PIBF1: variants seen among roughly 807,000 people sequenced by gnomAD.
PIBF1 encodes progesterone immunomodulatory binding factor 1, also known as progesterone-induced-blocking factor 1.
A neutral mutation model predicts 112.5 loss-of-function variants in PIBF1; 90 were observed. That is an observed-to-expected ratio of 0.80 (90% CI 0.67 to 0.95). PIBF1 has a LOEUF of 0.95. PIBF1 is among the 40% of genes least tolerant of loss of function. The pLI, the probability that PIBF1 is intolerant of heterozygous loss-of-function variation, is 0.00. For missense variants in PIBF1, 915 were observed against 852.3 expected, an observed-to-expected ratio of 1.07 and a Z score of -0.92; for synonymous variants, 301 against 288.6, an observed-to-expected ratio of 1.04 and a Z score of -0.44.
chr13:72,958,379 T>C (rs1430503701), intron 14 of PIBF1, among the ~76,000 whole-genome samples: 1 of 150,818 alleles, frequency 6.6e-6, no homozygotes, highest in African/African-American at 2.4e-5. Context: ...TATAGTTCTA[T>C]CTACTTCAAT....
intron 16 of PIBF1, among the ~76,000 whole-genome samples, chr13:72,994,336 C>T (rs139671876): frequency 1.1e-4 from 17 of 151,994 alleles, no homozygotes; most frequent in African/African-American, 4.1e-4. Flanking sequence ...TTGTTTCTAT[C>T]AATGAGAAAA....
chr13:72,935,697 C>A (rs1236170602), intron 14 of PIBF1, among the ~76,000 whole-genome samples: 2 of 152,220 alleles, frequency 1.3e-5, no homozygotes, highest in East Asian at 3.9e-4. Flanking sequence ...ACATCCTTGC[C>A]TTGATATGGT....
At chr13:72,842,855 A>G (rs544617234) in intron 9 of PIBF1, among the ~76,000 whole-genome samples, 2 of 152,182 alleles carry the variant, frequency 1.3e-5, no homozygotes, top group Admixed American at 1.3e-4. Context: ...CAAATATTTT[A>G]AATTAATTTT....
At chr13:72,783,336 A>C (rs2034400080) in intron 1 of PIBF1, 87 bp from the exon 2 acceptor site, 2 of 644,370 alleles carry the variant, frequency 3.1e-6, no homozygotes, top group Non-Finnish European at 5.3e-6. Flanking sequence ...TATTTATTTA[A>C]GGAATCCTTA....
intron 5 of PIBF1, among the ~76,000 whole-genome samples, chr13:72,807,794 A>G (rs996957670): frequency 1.3e-5 from 2 of 152,210 alleles, no homozygotes; most frequent in Admixed American, 6.5e-5. Context: ...AAAATTGATC[A>G]CCTGCCCCAG....
At chr13:72,873,879 C>G (rs1040354763) in intron 10 of PIBF1, among the ~76,000 whole-genome samples, 3 of 152,172 alleles carry the variant, frequency 2.0e-5, no homozygotes, top group Non-Finnish European at 1.5e-5. Context: ...ATCCAGAACT[C>G]TTGCAACTTA....
chr13:72,861,460 TG>T (rs1248841552), intron 10 of PIBF1, among the ~76,000 whole-genome samples: 9 of 152,170 alleles, frequency 5.9e-5, no homozygotes, highest in Non-Finnish European at 1.2e-4. Flanking sequence ...TAAGAAGGCA[TG>T]GGAAATCAGA....
intron 14 of PIBF1, among the ~76,000 whole-genome samples, chr13:72,951,184 C>T (rs532589598): frequency 6.6e-6 from 1 of 152,116 alleles, no homozygotes; most frequent in Admixed American, 6.6e-5. Flanking sequence ...CTTTAATACA[C>T]CTTATTTATC....
chr13:72,998,724 AT>A, intron 16 of PIBF1, 97 bp from the exon 17 acceptor site: 1 of 767,970 alleles, frequency 1.3e-6, no homozygotes, highest in Non-Finnish European at 2.1e-6. Context: ...GTGTAGTATA[AT>A]TGTTTCTTCT....
chr13:72,834,794 G>T (rs1389314156), intron 8 of PIBF1, among the ~76,000 whole-genome samples: 2 of 152,166 alleles, frequency 1.3e-5, no homozygotes, highest in Non-Finnish European at 2.9e-5. Context: ...TGTGGCTGTG[G>T]TTGTCATGCT....
At chr13:72,951,203 G>A (rs928222644) in intron 14 of PIBF1, among the ~76,000 whole-genome samples, 12 of 152,144 alleles carry the variant, frequency 7.9e-5, no homozygotes, top group African/African-American at 2.4e-4. Flanking sequence ...TCTTCGGGTC[G>A]TAGGGGAGAG....
intron 16 of PIBF1, among the ~76,000 whole-genome samples, chr13:72,996,523 C>T (rs1467021849): frequency 2.0e-5 from 3 of 152,188 alleles, no homozygotes; most frequent in Admixed American, 2.0e-4. Flanking sequence ...TGCAGTGGCT[C>T]ATGCCTATAA....
intron 14 of PIBF1, among the ~76,000 whole-genome samples, chr13:72,950,180 G>A (rs1251652713): frequency 1.3e-5 from 2 of 152,140 alleles, no homozygotes; most frequent in African/African-American, 4.8e-5. Flanking sequence ...GTTGGAATTA[G>A]TATCATTTAC....
At chr13:72,991,073 G>A (rs561950129) in intron 16 of PIBF1, among the ~76,000 whole-genome samples, 1 of 152,290 alleles carries the variant, frequency 6.6e-6, no homozygotes, top group South Asian at 2.1e-4. Flanking sequence ...TGCTATCTAT[G>A]TGTCTCCTTG....
chr13:73,012,282 G>A (rs1357961862), intron 17 of PIBF1, among the ~76,000 whole-genome samples: 1 of 152,198 alleles, frequency 6.6e-6, no homozygotes, highest in African/African-American at 2.4e-5. Flanking sequence ...AACCTGGGAG[G>A]CCAAGGTTGC....
intron 11 of PIBF1, among the ~76,000 whole-genome samples, chr13:72,901,370 G>T (rs753686753): frequency 4.6e-5 from 7 of 152,048 alleles, no homozygotes; most frequent in Non-Finnish European, 8.8e-5. Flanking sequence ...CCTTACTCCT[G>T]CAAGAATGGC....
chr13:72,979,508 G>A (rs1423308611), intron 16 of PIBF1, among the ~76,000 whole-genome samples: 2 of 152,148 alleles, frequency 1.3e-5, no homozygotes, highest in Non-Finnish European at 2.9e-5. Flanking sequence ...AGCTGTAGAA[G>A]GGCAGTGGGA....
chr13:72,967,967 C>T (rs1026605130), intron 15 of PIBF1, among the ~76,000 whole-genome samples: 1 of 151,820 alleles, frequency 6.6e-6, no homozygotes, highest in South Asian at 2.1e-4. Flanking sequence ...GGGCGGATCA[C>T]GAGGTCAGGA....
intron 14 of PIBF1, among the ~76,000 whole-genome samples, chr13:72,948,442 G>T (rs1394172544): frequency 6.6e-6 from 1 of 152,094 alleles, no homozygotes; most frequent in African/African-American, 2.4e-5. Flanking sequence ...TGGCATTTTG[G>T]TCAAAGCTCT....
Sources: gnomAD v4.1 joint callset for allele counts (sites outside exome capture counted in the v4.1 genomes callset) on GRCh38, gnomAD v4.1.1 for gene constraint, MANE v1.5 for transcripts, NCBI Gene and HGNC (gene_info 2026-07-23, HGNC 2026-07-21) for gene names.